The following DIAPH2 variants were observed in gnomAD, a reference collection of about 807,000 sequenced individuals.
The protein encoded by DIAPH2 is protein diaphanous homolog 2.
A neutral mutation model predicts 92.7 loss-of-function variants in DIAPH2; 35 were observed. The ratio of observed to expected loss-of-function variants is 0.38; its 90% CI spans 0.29 to 0.50. The LOEUF is 0.50. Ranked by LOEUF, DIAPH2 falls within the 20% of genes least tolerant of loss-of-function variation. The pLI, the probability that DIAPH2 is intolerant of heterozygous loss-of-function variation, is 0.94. For synonymous variants in DIAPH2, 301 were observed against 280.4 expected (o/e 1.07, Z -0.73); for missense variants, 701 against 819.5 (o/e 0.86, Z 1.77).
chrX:97,437,081 G>A (rs886676511), intron 26 of DIAPH2, among the ~76,000 whole-genome samples: 7 of 110,900 alleles, frequency 6.3e-5, no homozygotes, highest in African/African-American at 9.8e-5. Context: ...CAGATCCCAC[G>A]TAATACTCAG....
Position 96,951,830 on chromosome X carries a change from A to G in DIAPH2, c.1614+2791A>G, listed in dbSNP as rs182653412. 8.9e-5 allele frequency among the ~76,000 whole-genome samples: 10 copies of G among 111,914 alleles called. No individual in the cohort carries two copies. The East Asian group carries it at 2.8e-3, about 31-fold the overall frequency. On this transcript the variant is annotated intron_variant, in intron 15 of 26. Transcript: ENST00000324765. ...TGAGATTCCTTATTAAATCTGTAAA[A>G]TATATATTTAACTTGAGTAAAATTT...
intron 17 of DIAPH2, among the ~76,000 whole-genome samples, chrX:97,021,795 T>C (rs1345709269): frequency 9.0e-6 from 1 of 111,729 alleles, no homozygotes; most frequent in Non-Finnish European, 1.9e-5. Flanking sequence ...GAATGTACTG[T>C]ATGAATTTAC....
intron 23 of DIAPH2, among the ~76,000 whole-genome samples, chrX:97,277,330 A>T (rs904387662): frequency 2.4e-4 from 27 of 110,834 alleles, no homozygotes; most frequent in Non-Finnish European, 4.3e-4. Context: ...AGAGTGAAAC[A>T]CTGTCGCAAA....
At chrX:96,941,175 C>A (rs2147803423) in intron 12 of DIAPH2, among the ~76,000 whole-genome samples, 1 of 111,988 alleles carries the variant, frequency 8.9e-6, no homozygotes, top group East Asian at 2.8e-4. Context: ...AGTAGGTTGG[C>A]TATTTATCAG....
intron 12 of DIAPH2, among the ~76,000 whole-genome samples, chrX:96,939,601 T>TAC (rs774399164): frequency 9.6e-5 from 6 of 62,212 alleles, no homozygotes; most frequent in Middle Eastern, 0.011. Context: ...TGTGTGTATA[T>TAC]ACACACACAC....
intron 26 of DIAPH2, among the ~76,000 whole-genome samples, chrX:97,485,330 C>A (rs1397411710): frequency 9.0e-6 from 1 of 111,254 alleles, no homozygotes; most frequent in Non-Finnish European, 1.9e-5. Flanking sequence ...TTCAGACAAA[C>A]CTCTTAACCC....
intron 5 of DIAPH2, among the ~76,000 whole-genome samples, chrX:96,904,817 T>TA (rs1185221026): frequency 1.8e-4 from 19 of 107,966 alleles, no homozygotes; most frequent in African/African-American, 5.0e-4. Flanking sequence ...TTTCCTATTT[T>TA]AAAAAAAACA....
At chrX:97,398,936 G>A (rs946412659) in intron 25 of DIAPH2, among the ~76,000 whole-genome samples, 61 of 110,182 alleles carry the variant, frequency 5.5e-4, no homozygotes, top group African/African-American at 1.8e-3. Context: ...TAGTAGAGAC[G>A]GGGTTTCACC....
At chrX:96,907,492 A>C (rs937750923) in intron 5 of DIAPH2, among the ~76,000 whole-genome samples, 1 of 112,050 alleles carries the variant, frequency 8.9e-6, no homozygotes, top group African/African-American at 3.2e-5. Flanking sequence ...ATTTCTAAGG[A>C]TGTGGTTGAA....
At chrX:96,720,791 G>A (rs1288219295) in intron 1 of DIAPH2, among the ~76,000 whole-genome samples, 1 of 111,661 alleles carries the variant, frequency 9.0e-6, no homozygotes, top group Non-Finnish European at 1.9e-5. Flanking sequence ...AAACCACTCG[G>A]TTATAAATGG....
In DIAPH2 at chrX:97,159,354, G is replaced by C. The variant is rs754078187; in HGVS notation, c.2719+17560G>C. Among the ~76,000 whole-genome samples the C allele has an allele frequency of 6.3e-5, 7 of 111,975 alleles. No individual in the cohort carries two copies. The South Asian group carries it at 2.6e-3, about 41-fold the overall frequency. ...TATTTTAATTGAATAATATATTATGGTTCTCTGATTATAGAAACTGTCTGA... is the reference window on the plus strand; with the variant it reads ...TATTTTAATTGAATAATATATTATGCTTCTCTGATTATAGAAACTGTCTGA... On this transcript the variant is annotated intron_variant, in intron 22 of 26. Coordinates refer to ENST00000324765, the MANE Select transcript of DIAPH2 (RefSeq NM_006729.5).
intron 23 of DIAPH2, among the ~76,000 whole-genome samples, chrX:97,291,850 C>A (rs1337641657): frequency 9.0e-6 from 1 of 111,100 alleles, no homozygotes; most frequent in Non-Finnish European, 1.9e-5. Flanking sequence ...TAAACACTTT[C>A]ATATACAATA....
intron 22 of DIAPH2, among the ~76,000 whole-genome samples, chrX:97,229,904 A>G (rs1245708548): frequency 7.5e-5 from 8 of 106,412 alleles, no homozygotes; most frequent in Admixed American, 1.0e-4. Context: ...ATATATGATA[A>G]CAATATATAA....
chrX:97,182,597 G>T (rs1423900171), intron 22 of DIAPH2, among the ~76,000 whole-genome samples: 1 of 111,740 alleles, frequency 8.9e-6, no homozygotes, highest in Non-Finnish European at 1.9e-5. Flanking sequence ...CTAAACCAGA[G>T]TAGATGCAAC....
At chrX:97,054,884 A>T (rs1011219307) in intron 17 of DIAPH2, among the ~76,000 whole-genome samples, 1 of 111,385 alleles carries the variant, frequency 9.0e-6, no homozygotes, top group Admixed American at 9.5e-5. Flanking sequence ...AATGCAAAAC[A>T]AAACAAAAAT....
chrX:97,345,984 G>A (rs938003543), intron 23 of DIAPH2, among the ~76,000 whole-genome samples: 7 of 111,456 alleles, frequency 6.3e-5, no homozygotes, highest in Non-Finnish European at 1.3e-4. Context: ...ATTTCTATAA[G>A]TATAAATTTA....
chrX:97,300,708 G>T (rs1320844988), intron 23 of DIAPH2, among the ~76,000 whole-genome samples: 2 of 95,120 alleles, frequency 2.1e-5, no homozygotes, highest in East Asian at 6.4e-4. Context: ...CGAGGCGGGC[G>T]GATCACAAGG....
intron 26 of DIAPH2, among the ~76,000 whole-genome samples, chrX:97,591,200 A>G (rs1286442287): frequency 8.9e-6 from 1 of 111,844 alleles, no homozygotes; most frequent in Non-Finnish European, 1.9e-5. Context: ...CTATCTTTTA[A>G]GGCTTAACTG....
chrX:96,814,794 C>A (rs1295228281), intron 4 of DIAPH2, among the ~76,000 whole-genome samples: 1 of 111,748 alleles, frequency 8.9e-6, no homozygotes, highest in Non-Finnish European at 1.9e-5. Flanking sequence ...CCCTCAGATG[C>A]AGGTCTGTTG....
Sources: allele counts gnomAD v4.1 joint callset (sites outside exome capture counted in the v4.1 genomes callset), GRCh38; gene constraint gnomAD v4.1.1; transcripts MANE v1.5; gene names NCBI Gene and HGNC (gene_info 2026-07-23, HGNC 2026-07-21).